The following CLVS1 variants were observed in gnomAD, a reference collection of about 807,000 sequenced individuals.
The protein encoded by CLVS1 is clavesin 1.
CLVS1 carries 10 observed loss-of-function variants against 33.1 expected under a neutral mutation model. The observed-to-expected ratio is 0.30, with a 90% CI of 0.19 to 0.51. CLVS1 has a LOEUF of 0.51. CLVS1 is among the 20% of genes least tolerant of loss of function. The probability of loss-of-function intolerance (pLI) is 0.97; values close to 1 mark genes in which losing one functional copy is unlikely to be tolerated. For missense variants in CLVS1, 343 were observed against 433.4 expected, an observed-to-expected ratio of 0.79 and a Z score of 1.85; for synonymous variants, 163 against 166.1, an observed-to-expected ratio of 0.98 and a Z score of 0.14.
chr8:61,485,771 AATG>A (rs1803856962), intron 5 of CLVS1, among the ~76,000 whole-genome samples: 1 of 152,366 alleles, frequency 6.6e-6, no homozygotes, highest in Non-Finnish European at 1.5e-5. Context: ...AGCCATAAAA[AATG>A]ATGAGTTCAT....
At chr8:61,205,358 A>G (rs1807817999) in intron 2 of CLVS1, among the ~76,000 whole-genome samples, 1 of 152,174 alleles carries the variant, frequency 6.6e-6, no homozygotes. Flanking sequence ...TCTGTCTCAC[A>G]TCAATGGAAT....
At position 61,451,810 on chromosome 8, in the gene CLVS1, C is replaced by CAGAGAGAGAGAG. The variant is rs545429020; in HGVS notation, c.631-2330_631-2329insGAGAGAGAGAGA. On this transcript the variant is annotated intron_variant, in intron 3 of 5. Transcript: ENST00000325897. The stretch of plus-strand genomic sequence containing the variant: ...CCCCTCTGTACAAAACACACACACA[C>CAGAGAGAGAGAG]ACAGAGAGAGAGAGAGAGAGAGAGA... Among the ~76,000 whole-genome samples the CAGAGAGAGAGAG allele has an allele frequency of 4.6e-3, 629 of 137,352 alleles. 3 individuals are homozygous for CAGAGAGAGAGAG. Among genetic ancestry groups the CAGAGAGAGAGAG allele is most frequent in the Non-Finnish European group, 7.5e-3 (497 of 66,252 alleles). 90.1% of individuals were successfully genotyped at this position (137,352 alleles called of 152,430 possible). A position where few individuals can be genotyped will look rare whatever the true frequency, so the allele number is the denominator to read the frequency against.
At position 61,499,625 on chromosome 8, in the gene CLVS1, C is replaced by A; in HGVS notation, c.*83C>A. On this transcript the variant is annotated 3_prime_UTR_variant, in exon 6 of 6. Coordinates refer to ENST00000325897, the MANE Select transcript of CLVS1 (RefSeq NM_173519.3). ...GAAGCACATGCACAACTGACCCATG[C>A]AGACACGTGTGTTCTGCTTGACACA... The A allele has an allele frequency of 1.1e-6, 1 of 944,568 alleles. No homozygotes were observed. Among genetic ancestry groups the A allele is most frequent in the Non-Finnish European group, 1.7e-6 (1 of 583,754 alleles). 58.5% of individuals were successfully genotyped at this position (944,568 alleles called of 1,614,324 possible).
intron 2 of CLVS1, among the ~76,000 whole-genome samples, chr8:61,328,255 C>T (rs118171524): frequency 1.3e-5 from 2 of 152,146 alleles, no homozygotes; most frequent in South Asian, 4.1e-4. Flanking sequence ...TGGATAGGGA[C>T]ACGTGGCAGA....
At chr8:61,277,078 A>G (rs1338918258) in intron 2 of CLVS1, among the ~76,000 whole-genome samples, 1 of 152,154 alleles carries the variant, frequency 6.6e-6, no homozygotes, top group African/African-American at 2.4e-5. Flanking sequence ...GTCTGATTGG[A>G]GTCAAGTCTT....
At chr8:61,236,134 C>T (rs1808552187) in intron 2 of CLVS1, among the ~76,000 whole-genome samples, 1 of 152,194 alleles carries the variant, frequency 6.6e-6, no homozygotes. Context: ...TCCTTCCATT[C>T]ATCTTGGCTG....
intron 2 of CLVS1, among the ~76,000 whole-genome samples, chr8:61,257,347 A>T (rs1809104584): frequency 6.6e-6 from 1 of 152,246 alleles, no homozygotes; most frequent in African/African-American, 2.4e-5. Flanking sequence ...GCAAAGCTAC[A>T]CATTTAAAAA....
At chr8:61,284,460 G>A (rs889077332), upstream of CLVS1, among the ~76,000 whole-genome samples, 6 of 152,142 alleles carry the variant, frequency 3.9e-5, no homozygotes, top group South Asian at 2.1e-4. Flanking sequence ...ATGAATATAC[G>A]TATCAAAACA....
chr8:61,047,552 A>G, the CLVS1 span, among the ~76,000 whole-genome samples: 1 of 152,228 alleles, frequency 6.6e-6, no homozygotes, highest in Non-Finnish European at 1.5e-5. Flanking sequence ...CAAATGTCCA[A>G]CAATGATAGA....
the CLVS1 span, chr8:60,966,373 C>T: frequency 2.2e-6 from 1 of 456,014 alleles, no homozygotes; most frequent in Non-Finnish European, 4.4e-6. Flanking sequence ...CACCCCAGGA[C>T]TTATCTTCTG....
At chr8:61,387,651 C>A (rs1274834301) in intron 3 of CLVS1, among the ~76,000 whole-genome samples, 2 of 152,000 alleles carry the variant, frequency 1.3e-5, no homozygotes, top group Non-Finnish European at 2.9e-5. Context: ...CCCTCTGAGT[C>A]CCCAAAGTTC....
intron 4 of CLVS1, among the ~76,000 whole-genome samples, chr8:61,456,862 G>A (rs986214270): frequency 1.3e-5 from 2 of 150,516 alleles, no homozygotes; most frequent in Non-Finnish European, 3.0e-5. Flanking sequence ...AGCTTGCAGT[G>A]AGCCGAGATT....
At chr8:61,086,480 T>C (rs776660075) in intron 1 of CLVS1, among the ~76,000 whole-genome samples, 4 of 152,216 alleles carry the variant, frequency 2.6e-5, no homozygotes, top group Non-Finnish European at 1.5e-5. Context: ...AAAGCAATAT[T>C]CATGGTTTAT....
chr8:61,212,319 G>C (rs1185043077), intron 2 of CLVS1, among the ~76,000 whole-genome samples: 1 of 152,208 alleles, frequency 6.6e-6, no homozygotes, highest in South Asian at 2.1e-4. Flanking sequence ...GAGGTAGGCA[G>C]TGAGGTGGCG....
In CLVS1 at chr8:61,458,507, T is replaced by C. The variant is rs1817245212; in HGVS notation, c.942T>C (p.Asn314=). The C allele has an allele frequency of 6.2e-7, 1 of 1,612,802 alleles. No individual in the cohort carries two copies. The highest frequency in any genetic ancestry group is 8.5e-7 in the Non-Finnish European group (1 of 1,179,500). ...NAMHVKHTSS[N]LERECSPKLM... ...TGCACGTGAAGCATACGTCCTCGAA[T>C]CTGGAGAGAGAATGCTCACCCAAGC... Residue 314 remains asparagine, a synonymous_variant, in exon 5 of 6, where the codon AAT becomes AAC. Coordinates refer to ENST00000325897, the MANE Select transcript of CLVS1 (RefSeq NM_173519.3).
the CLVS1 span, among the ~76,000 whole-genome samples, chr8:61,033,276 G>T: frequency 6.6e-6 from 1 of 152,210 alleles, no homozygotes; most frequent in South Asian, 2.1e-4. Context: ...GCTCTTCTAA[G>T]TCTAAGGACC....
At chr8:61,301,971 A>T (rs1309957000) in intron 2 of CLVS1, among the ~76,000 whole-genome samples, 1 of 152,226 alleles carries the variant, frequency 6.6e-6, no homozygotes, top group Non-Finnish European at 1.5e-5. Flanking sequence ...TATAATCATT[A>T]ACATTCTTAT....
chr8:61,171,577 C>A (rs1285791869), intron 2 of CLVS1, among the ~76,000 whole-genome samples: 1 of 152,072 alleles, frequency 6.6e-6, no homozygotes, highest in Non-Finnish European at 1.5e-5. Context: ...TATGGCTTCG[C>A]TGACAGTAGC....
chr8:61,320,364 C>A lies in CLVS1; in HGVS notation c.455+20082C>A, dbSNP rs548462122. On this transcript the variant is annotated intron_variant, in intron 2 of 5. Transcript: ENST00000325897. ...TATTTGCTATTTTTCTGGCAATATT[C>A]TAAAAGATAAGTTTGTTAAAAAAAA... Among the ~76,000 whole-genome samples the A allele has an allele frequency of 4.0e-5, 6 of 150,822 alleles. No homozygotes were observed. The East Asian group carries it at 9.7e-4, about 24-fold the overall frequency.
Sources: allele counts gnomAD v4.1 joint callset (sites outside exome capture counted in the v4.1 genomes callset), GRCh38; gene constraint gnomAD v4.1.1; transcripts MANE v1.5; gene names NCBI Gene and HGNC (gene_info 2026-07-23, HGNC 2026-07-21).